Variants in STXBP5L observed in about 807,000 individuals in gnomAD.
STXBP5L encodes syntaxin binding protein 5L.
STXBP5L carries 65 observed loss-of-function variants against 144.5 expected under a neutral mutation model. The ratio of observed to expected loss-of-function variants is 0.45; its 90% CI spans 0.37 to 0.55. The LOEUF (loss-of-function observed/expected upper bound fraction) is 0.55, where lower values mean the gene tolerates loss of function less well. Among genes scored for constraint, STXBP5L ranks in the 20% least tolerant of loss-of-function variants. The probability of loss-of-function intolerance (pLI) is 0.00; values close to 1 mark genes in which losing one functional copy is unlikely to be tolerated. For missense variants in STXBP5L, 1,298 were observed against 1,405.5 expected (o/e 0.92, Z 1.22); for synonymous variants, 505 against 469.6 (o/e 1.08, Z -0.97).
At chr3:121,343,136 A>G (rs993408166) in intron 20 of STXBP5L, among the ~76,000 whole-genome samples, 8 of 152,092 alleles carry the variant, frequency 5.3e-5, no homozygotes, top group Non-Finnish European at 1.0e-4. Flanking sequence ...TTGGCTGCAT[A>G]AATGTCTTCT....
chr3:120,924,834 C>A (rs1409343043), intron 2 of STXBP5L, among the ~76,000 whole-genome samples: 2 of 152,114 alleles, frequency 1.3e-5, no homozygotes, highest in Non-Finnish European at 2.9e-5. Context: ...CTCAGCCTCC[C>A]CGAGTAGCTG....
At chr3:121,025,365 C>A (rs1183603877) in intron 3 of STXBP5L, among the ~76,000 whole-genome samples, 1 of 151,922 alleles carries the variant, frequency 6.6e-6, no homozygotes, top group East Asian at 1.9e-4. Flanking sequence ...TAACTCAACC[C>A]TATATGGTTT....
chr3:121,179,007 C>T (rs1052760655), intron 9 of STXBP5L, among the ~76,000 whole-genome samples: 1 of 151,792 alleles, frequency 6.6e-6, no homozygotes, highest in South Asian at 2.1e-4. Context: ...GGTGTGGGCA[C>T]TTGGCATTAC....
intron 19 of STXBP5L, among the ~76,000 whole-genome samples, chr3:121,315,245 T>A (rs1239209503): frequency 2.0e-5 from 3 of 151,982 alleles, no homozygotes; most frequent in South Asian, 2.1e-4. Flanking sequence ...CAAATGTCCA[T>A]CAATGATAGA....
chr3:121,041,679 C>T (rs777236187), intron 3 of STXBP5L, 21 bp from the exon 4 acceptor site: 4 of 1,575,620 alleles, frequency 2.5e-6, no homozygotes, highest in Middle Eastern at 3.3e-4. Context: ...ATGTTAGAAT[C>T]CTTGACTTTT....
chr3:121,238,496 A>G (rs763686375), intron 12 of STXBP5L, among the ~76,000 whole-genome samples: 2 of 152,158 alleles, frequency 1.3e-5, no homozygotes, highest in Non-Finnish European at 2.9e-5. Flanking sequence ...ACTAAATTTC[A>G]AGATGAGGTT....
At chr3:121,290,746 T>A (rs1280504088) in intron 19 of STXBP5L, among the ~76,000 whole-genome samples, 1 of 152,148 alleles carries the variant, frequency 6.6e-6, no homozygotes, top group African/African-American at 2.4e-5. Context: ...GCAGGGATGG[T>A]TTAACATACA....
At chr3:121,005,415 T>G (rs929548629) in intron 3 of STXBP5L, among the ~76,000 whole-genome samples, 2 of 152,188 alleles carry the variant, frequency 1.3e-5, no homozygotes, top group African/African-American at 4.8e-5. Context: ...TATCATGTTT[T>G]ATTGCGTCTA....
intron 3 of STXBP5L, among the ~76,000 whole-genome samples, chr3:120,957,669 A>G (rs1559909199): frequency 2.6e-5 from 4 of 152,136 alleles, no homozygotes; most frequent in Admixed American, 2.6e-4. Context: ...CTGAGTACAT[A>G]ACGAAATGAA....
intron 19 of STXBP5L, among the ~76,000 whole-genome samples, chr3:121,308,768 T>C (rs977256461): frequency 2.0e-5 from 3 of 152,110 alleles, no homozygotes; most frequent in African/African-American, 7.2e-5. Context: ...TTCTTAGCTT[T>C]TATAAAAGAA....
intron 2 of STXBP5L, among the ~76,000 whole-genome samples, chr3:120,923,436 T>G (rs1709453912): frequency 6.6e-6 from 1 of 152,090 alleles, no homozygotes; most frequent in Non-Finnish European, 1.5e-5. Flanking sequence ...GGTTGTTTAT[T>G]TGAAGTCTTT....
At chr3:121,063,693 C>T (rs1407594245) in intron 5 of STXBP5L, among the ~76,000 whole-genome samples, 1 of 152,136 alleles carries the variant, frequency 6.6e-6, no homozygotes, top group Non-Finnish European at 1.5e-5. Flanking sequence ...CCTTGCCCAG[C>T]AAGGAGGAAT....
intron 7 of STXBP5L, among the ~76,000 whole-genome samples, chr3:121,131,650 T>A (rs1056494408): frequency 1.3e-5 from 2 of 152,044 alleles, no homozygotes; most frequent in Non-Finnish European, 2.9e-5. Flanking sequence ...AAGAAAAAAA[T>A]TCAAATTGTT....
At chr3:120,934,537 C>A (rs1021902691) in intron 2 of STXBP5L, among the ~76,000 whole-genome samples, 10 of 152,148 alleles carry the variant, frequency 6.6e-5, no homozygotes, top group Middle Eastern at 3.4e-3. Context: ...TTAACTTTTA[C>A]TATATCTTTA....
chr3:121,384,736 T>C (rs2046390199), intron 22 of STXBP5L, among the ~76,000 whole-genome samples: 1 of 151,880 alleles, frequency 6.6e-6, no homozygotes, highest in African/African-American at 2.4e-5. Context: ...TTTTTCAAGA[T>C]CTAGTTATTA....
chr3:121,049,549 C>A (rs1374951837), intron 5 of STXBP5L: 1 of 154,340 alleles, frequency 6.5e-6, no homozygotes, highest in Non-Finnish European at 1.5e-5. Context: ...TGTGGTCTGC[C>A]TCTCCCTCTA....
At chr3:121,165,124 G>A (rs759314764) in intron 9 of STXBP5L, among the ~76,000 whole-genome samples, 1 of 152,078 alleles carries the variant, frequency 6.6e-6, no homozygotes, top group Non-Finnish European at 1.5e-5. Context: ...ATTCCATAAC[G>A]TCATGTTGTA....
intron 19 of STXBP5L, among the ~76,000 whole-genome samples, chr3:121,313,060 C>T (rs909050114): frequency 4.6e-5 from 7 of 150,802 alleles, no homozygotes; most frequent in Non-Finnish European, 7.4e-5. Context: ...CCCCTCACCT[C>T]CCGGATGGGG....
At chr3:121,292,240 G>A (rs536265561) in intron 19 of STXBP5L, among the ~76,000 whole-genome samples, 1 of 152,088 alleles carries the variant, frequency 6.6e-6, no homozygotes, top group Admixed American at 6.5e-5. Context: ...TTAAAGACAT[G>A]AATAGACAAT....
Sources: gnomAD v4.1 joint callset for allele counts (sites outside exome capture counted in the v4.1 genomes callset) on GRCh38, gnomAD v4.1.1 for gene constraint, MANE v1.5 for transcripts, NCBI Gene and HGNC (gene_info 2026-07-23, HGNC 2026-07-21) for gene names.